The following NRXN3 variants were observed in gnomAD, a reference collection of about 807,000 sequenced individuals.
NRXN3 encodes the protein neurexin III.
Under a neutral mutation model 137.6 loss-of-function variants are expected in NRXN3, and 32 were observed. The observed-to-expected ratio is 0.23, with a 90% CI of 0.18 to 0.31. The LOEUF (loss-of-function observed/expected upper bound fraction) is 0.31, where lower values mean the gene tolerates loss of function less well. NRXN3 is among the 10% of genes least tolerant of loss of function. NRXN3 has a pLI of 1.00. For synonymous variants in NRXN3, 798 were observed against 784.5 expected (o/e 1.02, Z -0.29); for missense variants, 1,574 against 2,062.5 (o/e 0.76, Z 4.59).
chr14:78,517,884 A>C (rs1020812293), intron 4 of NRXN3, among the ~76,000 whole-genome samples: 2 of 152,164 alleles, frequency 1.3e-5, no homozygotes, highest in African/African-American at 4.8e-5. Flanking sequence ...AAGCTTGTTC[A>C]AAATCTGTAA....
intron 4 of NRXN3, among the ~76,000 whole-genome samples, chr14:78,394,739 T>G (rs1312614356): frequency 6.6e-6 from 1 of 151,942 alleles, no homozygotes; most frequent in Admixed American, 6.6e-5. Flanking sequence ...TTTAATTTCC[T>G]TAATAGTTAT....
chr14:79,063,754 G>A (rs1184512012), intron 15 of NRXN3, among the ~76,000 whole-genome samples: 1 of 152,038 alleles, frequency 6.6e-6, no homozygotes, highest in Non-Finnish European at 1.5e-5. Flanking sequence ...TCAGGGATTG[G>A]CAACCTCTTT....
At chr14:79,722,909 A>G (rs536478702) in intron 19 of NRXN3, among the ~76,000 whole-genome samples, 1 of 152,232 alleles carries the variant, frequency 6.6e-6, no homozygotes, top group Non-Finnish European at 1.5e-5. Context: ...AACATAAGAA[A>G]TTATCAATTA....
chr14:79,776,507 C>T (rs909240890), intron 19 of NRXN3, among the ~76,000 whole-genome samples: 3 of 152,190 alleles, frequency 2.0e-5, no homozygotes, highest in Non-Finnish European at 4.4e-5. Flanking sequence ...TTCCCTCCCC[C>T]ATGGGCATGG....
intron 15 of NRXN3, among the ~76,000 whole-genome samples, chr14:79,428,167 C>T (rs1384746956): frequency 6.6e-6 from 1 of 152,140 alleles, no homozygotes; most frequent in Non-Finnish European, 1.5e-5. Context: ...TTCATGCCCC[C>T]ATCTAACCTT....
At chr14:78,188,297 T>C (rs1453453355) in intron 1 of NRXN3, among the ~76,000 whole-genome samples, 1 of 152,162 alleles carries the variant, frequency 6.6e-6, no homozygotes, top group East Asian at 1.9e-4. Flanking sequence ...TCCCACAGTG[T>C]GAGGAGCCAT....
intron 16 of NRXN3, among the ~76,000 whole-genome samples, chr14:79,648,696 G>T (rs1387894306): frequency 1.2e-5 from 1 of 85,752 alleles, no homozygotes; most frequent in Non-Finnish European, 3.6e-5. Flanking sequence ...CATGACTTCT[G>T]GTCCTCTATC....
chr14:79,348,378 CT>C (rs10628515), intron 15 of NRXN3, among the ~76,000 whole-genome samples: 124 of 135,906 alleles, frequency 9.1e-4, no homozygotes, highest in South Asian at 1.4e-3. Context: ...AATCTTCTCT[CT>C]TTTTTTTTTT....
At chr14:79,666,446 T>C (rs2098557505) in intron 17 of NRXN3, among the ~76,000 whole-genome samples, 1 of 152,102 alleles carries the variant, frequency 6.6e-6, no homozygotes, top group Admixed American at 6.6e-5. Flanking sequence ...TGAGTACAGA[T>C]TTCTTCATTT....
intron 15 of NRXN3, among the ~76,000 whole-genome samples, chr14:79,353,722 G>T (rs552039177): frequency 6.6e-6 from 1 of 152,156 alleles, no homozygotes; most frequent in South Asian, 2.1e-4. Flanking sequence ...CTCATTTAAC[G>T]CTTAGAAGTT....
At chr14:78,444,624 T>C (rs747153103) in intron 4 of NRXN3, among the ~76,000 whole-genome samples, 1 of 152,020 alleles carries the variant, frequency 6.6e-6, no homozygotes, top group Non-Finnish European at 1.5e-5. Context: ...CCATTATCAT[T>C]TGAAGGAGTG....
chr14:78,774,145 C>T (rs1332808004), intron 8 of NRXN3, among the ~76,000 whole-genome samples: 1 of 152,016 alleles, frequency 6.6e-6, no homozygotes, highest in African/African-American at 2.4e-5. Context: ...TTACTTAGTT[C>T]CTGTGATGTT....
At chr14:79,232,634 G>C (rs1195745898) in intron 15 of NRXN3, among the ~76,000 whole-genome samples, 2 of 152,102 alleles carry the variant, frequency 1.3e-5, no homozygotes, top group South Asian at 4.1e-4. Context: ...TTAGATTTCA[G>C]GTACCACATC....
intron 1 of NRXN3, among the ~76,000 whole-genome samples, chr14:78,240,653 C>A (rs1260216484): frequency 6.6e-6 from 1 of 152,204 alleles, no homozygotes; most frequent in Non-Finnish European, 1.5e-5. Flanking sequence ...AACCTGGTAC[C>A]TTCCTTATCG....
chr14:79,355,835 C>T (rs1201000722), intron 15 of NRXN3, among the ~76,000 whole-genome samples: 1 of 152,154 alleles, frequency 6.6e-6, no homozygotes, highest in Admixed American at 6.5e-5. Context: ...CATCTCTTGA[C>T]TAGTTAGAAA....
At chr14:78,488,823 GAA>G (rs2095612925) in intron 4 of NRXN3, among the ~76,000 whole-genome samples, 2 of 148,210 alleles carry the variant, frequency 1.3e-5, no homozygotes, top group Non-Finnish European at 3.0e-5. Context: ...GAGGAGAGGA[GAA>G]GAAATGAAGA....
At chr14:78,665,374 G>A (rs1342980500) in intron 6 of NRXN3, among the ~76,000 whole-genome samples, 1 of 152,136 alleles carries the variant, frequency 6.6e-6, no homozygotes, top group East Asian at 1.9e-4. Flanking sequence ...AAGGAGAAGT[G>A]CCAAGCAAAG....
At chr14:78,964,845 G>A (rs548258253) in intron 11 of NRXN3, among the ~76,000 whole-genome samples, 35 of 151,476 alleles carry the variant, frequency 2.3e-4, no homozygotes, top group Non-Finnish European at 4.6e-4. Context: ...CCACTTCTAG[G>A]TAAAATAGGT....
intron 16 of NRXN3, among the ~76,000 whole-genome samples, chr14:79,660,699 A>T (rs1282575188): frequency 1.3e-5 from 2 of 152,108 alleles, no homozygotes. Flanking sequence ...GCTTCCCCTA[A>T]AACTGTTTTC....
Sources: allele counts gnomAD v4.1 joint callset (sites outside exome capture counted in the v4.1 genomes callset), GRCh38; gene constraint gnomAD v4.1.1; transcripts MANE v1.5; gene names NCBI Gene and HGNC (gene_info 2026-07-23, HGNC 2026-07-21).